MREG: variants seen among roughly 807,000 people sequenced by gnomAD.
MREG encodes the protein melanoregulin.
In MREG, 31 loss-of-function variants were observed where a neutral mutation model predicts 28.5. The observed-to-expected ratio is 1.09, with a 90% CI of 0.82 to 1.47. MREG has a LOEUF of 1.47. MREG is among the 40% of genes most tolerant of loss of function. The pLI is 0.00. For synonymous variants in MREG, 106 were observed against 95.2 expected (o/e 1.11, Z -0.66); for missense variants, 256 against 257.4 (o/e 0.99, Z 0.04).
intron 2 of MREG, among the ~76,000 whole-genome samples, chr2:215,992,864 G>C (rs772082947): frequency 1.3e-5 from 2 of 152,174 alleles, no homozygotes; most frequent in Non-Finnish European, 2.9e-5. Context: ...CAAGGGATGT[G>C]AAAGACCTCT....
At position 216,008,380 on chromosome 2, in the gene MREG, T is replaced by A. The variant is rs540034089; in HGVS notation, c.95+4853A>T. On this transcript the variant is annotated intron_variant, in intron 1 of 4. Coordinates refer to ENST00000263268, the MANE Select transcript of MREG (RefSeq NM_018000.3). ...ATTTCTATTAGCTGTTAATAACTGA[T>A]AATCAAACATCGTTACATCTGTCTG... Among the ~76,000 whole-genome samples the A allele has an allele frequency of 2.0e-5, 3 of 152,358 alleles. No individual in the cohort carries two copies. In the South Asian group the frequency reaches 6.2e-4, roughly 32 times the overall value.
chr2:215,969,673 C>CTG (rs1463202529), intron 2 of MREG, among the ~76,000 whole-genome samples: 1 of 152,164 alleles, frequency 6.6e-6, no homozygotes, highest in African/African-American at 2.4e-5. Context: ...GTATGTCCAC[C>CTG]TCCCAAGGCC....
intron 2 of MREG, among the ~76,000 whole-genome samples, chr2:215,993,510 G>T (rs551741513): frequency 3.9e-5 from 6 of 152,188 alleles, no homozygotes; most frequent in African/African-American, 1.2e-4. Flanking sequence ...CATAGGCATG[G>T]GCAAAGACTT....
rs1692487960 is a variant in MREG, at chr2:215,951,600, AT to A, written c.256-4488del. Reference sequence around the variant, plus strand: ...TAGCAAAGGTGTAGCAAAAGAAAACATACTGAGCTAATTTCATAAGATACCT... The same window carrying A: ...TAGCAAAGGTGTAGCAAAAGAAAACAACTGAGCTAATTTCATAAGATACCT... On this transcript the variant is annotated intron_variant, in intron 2 of 4. Transcript: ENST00000263268. Among the ~76,000 whole-genome samples the A allele has an allele frequency of 2.6e-5, 4 of 152,234 alleles. No homozygotes were observed. The South Asian group carries it at 8.3e-4, about 31-fold the overall frequency.
intron 2 of MREG, among the ~76,000 whole-genome samples, chr2:215,995,019 T>C (rs940412644): frequency 2.3e-4 from 35 of 152,228 alleles, no homozygotes; most frequent in African/African-American, 8.4e-4. Context: ...AACTGGTTAA[T>C]GTAATACAGG....
At chr2:215,957,311 G>A (rs148545917) in intron 2 of MREG, among the ~76,000 whole-genome samples, 75 of 152,214 alleles carry the variant, frequency 4.9e-4, no homozygotes, top group Non-Finnish European at 8.2e-4. Flanking sequence ...TTCTTTTTCC[G>A]AAGGGTGGAT....
upstream of MREG, among the ~76,000 whole-genome samples, chr2:216,015,183 G>C (rs562026254): frequency 6.6e-6 from 1 of 152,244 alleles, no homozygotes; most frequent in African/African-American, 2.4e-5. Flanking sequence ...GTGTGTGTTC[G>C]TGTATGTGTG....
intron 1 of MREG, among the ~76,000 whole-genome samples, chr2:216,006,346 C>G (rs750510044): frequency 2.0e-4 from 30 of 152,222 alleles, no homozygotes; most frequent in Non-Finnish European, 2.5e-4. Context: ...AGCCCAGTCC[C>G]TGGGACAGCA....
intron 2 of MREG, among the ~76,000 whole-genome samples, chr2:215,952,998 C>A (rs1265378486): frequency 6.6e-6 from 1 of 152,152 alleles, no homozygotes; most frequent in African/African-American, 2.4e-5. Flanking sequence ...TCTCTCCTAT[C>A]TCATTGCAAG....
intron 2 of MREG, among the ~76,000 whole-genome samples, chr2:215,989,337 G>C (rs1559188952): frequency 6.6e-6 from 1 of 152,110 alleles, no homozygotes. Flanking sequence ...CAAACAGAAA[G>C]GAATAGCATC....
At chr2:215,981,085 C>T (rs1039587470) in intron 2 of MREG, among the ~76,000 whole-genome samples, 10 of 152,114 alleles carry the variant, frequency 6.6e-5, no homozygotes, top group Non-Finnish European at 1.0e-4. Flanking sequence ...AATTAAATAA[C>T]TTAAATAAAT....
intron 1 of MREG, among the ~76,000 whole-genome samples, chr2:216,021,202 C>T (rs1223771389): frequency 6.6e-6 from 1 of 152,132 alleles, no homozygotes; most frequent in Non-Finnish European, 1.5e-5. Flanking sequence ...GGTTGGAGTG[C>T]AGTGATGCAA....
At chr2:215,974,444 C>T (rs1189624953) in intron 2 of MREG, among the ~76,000 whole-genome samples, 1 of 152,088 alleles carries the variant, frequency 6.6e-6, no homozygotes, top group Non-Finnish European at 1.5e-5. Flanking sequence ...GAACCCTCCT[C>T]GATGCCCCAC....
intron 2 of MREG, among the ~76,000 whole-genome samples, chr2:215,948,883 C>T (rs934661003): frequency 1.3e-5 from 2 of 152,028 alleles, no homozygotes; most frequent in African/African-American, 4.8e-5. Context: ...TCCACATGCT[C>T]CTCCAAATCA....
intron 2 of MREG, among the ~76,000 whole-genome samples, chr2:215,955,868 A>G (rs1166006291): frequency 6.6e-6 from 1 of 152,184 alleles, no homozygotes; most frequent in Non-Finnish European, 1.5e-5. Context: ...GAAATAGATA[A>G]TACAGACTAG....
intron 1 of MREG, among the ~76,000 whole-genome samples, chr2:216,022,351 G>C (rs973561577): frequency 6.6e-6 from 1 of 151,924 alleles, no homozygotes; most frequent in Non-Finnish European, 1.5e-5. Flanking sequence ...TCTATGCCTC[G>C]AGTCACCCAT....
At chr2:215,951,257 T>A (rs1172764403) in intron 2 of MREG, among the ~76,000 whole-genome samples, 4 of 152,170 alleles carry the variant, frequency 2.6e-5, no homozygotes, top group Non-Finnish European at 5.9e-5. Context: ...ATGTAAAAAA[T>A]GTTATCCAAT....
chr2:216,031,394 G>GAGAAAGGA (rs568088933), intron 1 of MREG, among the ~76,000 whole-genome samples: 12 of 144,008 alleles, frequency 8.3e-5, no homozygotes, highest in Non-Finnish European at 1.2e-4. Flanking sequence ...GCAACAGAGT[G>GAGAAAGGA]AGAAAGGAAG....
intron 2 of MREG, among the ~76,000 whole-genome samples, chr2:215,989,814 AATGAAATAAAGC>A (rs1693676274): frequency 6.6e-6 from 1 of 152,002 alleles, no homozygotes; most frequent in Non-Finnish European, 1.5e-5. Context: ...AGATCAACTT[AATGAAATAAAGC>A]ATGAAGACAA....
Sources: allele counts gnomAD v4.1 joint callset (sites outside exome capture counted in the v4.1 genomes callset), GRCh38; gene constraint gnomAD v4.1.1; transcripts MANE v1.5; gene names NCBI Gene and HGNC (gene_info 2026-07-23, HGNC 2026-07-21).